Variants in STXBP5L observed in about 807,000 individuals in gnomAD.
The protein encoded by STXBP5L is syntaxin-binding protein 5-like.
A neutral mutation model predicts 144.5 loss-of-function variants in STXBP5L; 65 were observed. The observed-to-expected ratio is 0.45, with a 90% CI of 0.37 to 0.55. The LOEUF (loss-of-function observed/expected upper bound fraction) is 0.55. Ranked by LOEUF, STXBP5L falls within the 20% of genes least tolerant of loss-of-function variation. STXBP5L has a pLI of 0.00. For synonymous variants in STXBP5L, 505 were observed against 469.6 expected (o/e 1.08, Z -0.97); for missense variants, 1,298 against 1,405.5 (o/e 0.92, Z 1.22).
At chr3:121,301,639 T>C (rs2051912064) in intron 19 of STXBP5L, among the ~76,000 whole-genome samples, 1 of 152,220 alleles carries the variant, frequency 6.6e-6, no homozygotes, top group Non-Finnish European at 1.5e-5. Flanking sequence ...TCACAGGGAA[T>C]GCTTCCAGTT....
intron 7 of STXBP5L, 47 bp from the exon 8 acceptor site, chr3:121,152,430 A>G: frequency 7.4e-7 from 1 of 1,354,922 alleles, no homozygotes; most frequent in Non-Finnish European, 1.0e-6. Context: ...GAAGCAAGTT[A>G]AAATTAATGT....
At chr3:121,181,884 C>T (rs1043132799) in intron 9 of STXBP5L, among the ~76,000 whole-genome samples, 1 of 151,000 alleles carries the variant, frequency 6.6e-6, no homozygotes, top group Non-Finnish European at 1.5e-5. Flanking sequence ...AAATGTAAAC[C>T]AAAAGCAAAC....
At chr3:121,011,711 T>C (rs1576656930) in intron 3 of STXBP5L, among the ~76,000 whole-genome samples, 1 of 151,998 alleles carries the variant, frequency 6.6e-6, no homozygotes, top group East Asian at 1.9e-4. Flanking sequence ...AAATCCTCTT[T>C]TTCAGCCCCT....
At chr3:121,351,002 G>A (rs577335529) in intron 20 of STXBP5L, among the ~76,000 whole-genome samples, 1 of 152,268 alleles carries the variant, frequency 6.6e-6, no homozygotes. Context: ...TTGCTGGTGA[G>A]GAGCTACGTT....
At chr3:121,052,214 C>T (rs1948065540) in intron 5 of STXBP5L, among the ~76,000 whole-genome samples, 1 of 152,122 alleles carries the variant, frequency 6.6e-6, no homozygotes, top group South Asian at 2.1e-4. Context: ...AGAGGGAATC[C>T]TCCCTAACTC....
chr3:121,316,407 G>T (rs890917781), intron 19 of STXBP5L, among the ~76,000 whole-genome samples: 3 of 152,114 alleles, frequency 2.0e-5, no homozygotes, highest in African/African-American at 7.2e-5. Flanking sequence ...ACCAAATTTT[G>T]TATTTTAAAA....
intron 18 of STXBP5L, among the ~76,000 whole-genome samples, chr3:121,276,182 T>TTTTG (rs71133525): frequency 0.75 from 112,560 of 150,716 alleles, 42,188 homozygotes; most frequent in East Asian, 0.93. Context: ...TCTTTTAGTT[T>TTTTG]TTTGTTCTCA....
At chr3:121,339,962 C>T (rs1559992215) in intron 20 of STXBP5L, among the ~76,000 whole-genome samples, 1 of 151,982 alleles carries the variant, frequency 6.6e-6, no homozygotes, top group African/African-American at 2.4e-5. Context: ...ATCAGTATCA[C>T]ACAAATGATC....
Position 120,974,040 on chromosome 3 carries a change from C to T in STXBP5L, c.287+19003C>T, listed in dbSNP as rs998069725. Among the ~76,000 whole-genome samples, 5 of 152,164 alleles carry T rather than the reference C, an allele frequency of 3.3e-5. No homozygotes were observed. The East Asian group carries it at 9.7e-4, about 29-fold the overall frequency. On this transcript the variant is annotated intron_variant, in intron 3 of 26. Coordinates refer to ENST00000471454, the MANE Select transcript of STXBP5L (RefSeq NM_001308330.2). ...TCTTTATAGCAGCATGATTTATAGTCCTTTGGGTATATACCGAGTAATGGG... is the reference window on the plus strand; with the variant it reads ...TCTTTATAGCAGCATGATTTATAGTTCTTTGGGTATATACCGAGTAATGGG...
At chr3:121,280,666 G>A (rs2051027955) in intron 19 of STXBP5L, among the ~76,000 whole-genome samples, 1 of 151,828 alleles carries the variant, frequency 6.6e-6, no homozygotes, top group Non-Finnish European at 1.5e-5. Context: ...CACTGCCAAA[G>A]TTTTGCATAT....
chr3:121,044,165 CATGT>C (rs1001944771), intron 4 of STXBP5L, among the ~76,000 whole-genome samples: 7 of 151,970 alleles, frequency 4.6e-5, no homozygotes, highest in Non-Finnish European at 7.4e-5. Context: ...CATCTTTGAA[CATGT>C]ATGTATGTAA....
intron 2 of STXBP5L, among the ~76,000 whole-genome samples, chr3:120,910,621 A>G (rs558767564): frequency 5.3e-4 from 80 of 152,150 alleles, no homozygotes; most frequent in Non-Finnish European, 8.8e-4. Context: ...GTGTTTGGCT[A>G]CATAAGAAAT....
chr3:121,382,763 G>T (rs1049378258), intron 22 of STXBP5L, among the ~76,000 whole-genome samples: 2 of 152,006 alleles, frequency 1.3e-5, no homozygotes, highest in Admixed American at 6.6e-5. Context: ...TAATAAAGCA[G>T]ATCTCTCAAT....
intron 8 of STXBP5L, among the ~76,000 whole-genome samples, chr3:121,155,330 C>G (rs938828155): frequency 2.0e-5 from 3 of 151,828 alleles, no homozygotes; most frequent in Non-Finnish European, 4.4e-5. Flanking sequence ...TCTAACTTCT[C>G]ATCATGAACT....
intron 8 of STXBP5L, 46 bp downstream of exon 8, chr3:121,152,606 TG>T: frequency 1.4e-6 from 2 of 1,408,530 alleles, no homozygotes; most frequent in Non-Finnish European, 9.8e-7. Context: ...TGTGACGTTA[TG>T]CCTGTTTACT....
chr3:121,391,785 A>G (rs1464674721), intron 22 of STXBP5L, among the ~76,000 whole-genome samples: 1 of 152,168 alleles, frequency 6.6e-6, no homozygotes, highest in Non-Finnish European at 1.5e-5. Flanking sequence ...GCTTCGTCCC[A>G]GAGGGGCAGC....
At chr3:121,276,797 A>T (rs2050899631) in intron 18 of STXBP5L, among the ~76,000 whole-genome samples, 1 of 151,822 alleles carries the variant, frequency 6.6e-6, no homozygotes, top group Admixed American at 6.6e-5. Flanking sequence ...GTTTTCAGCA[A>T]TATGATTATG....
rs1241822319 is a variant in STXBP5L at position 121,205,930 on chromosome 3, T to C, written c.885T>C (p.Ser295=). Residue 295 remains serine (S), a synonymous_variant, in exon 10 of 27, where the codon AGT becomes AGC. Coordinates refer to ENST00000471454, the MANE Select transcript of STXBP5L (RefSeq NM_001308330.2). The stretch of plus-strand genomic sequence containing the variant: ...AATATTTTTTTTCTTTAGGAAAAAG[T>C]CAAAGAGAAGGAAGAAAATCTGAAT... The part of the protein sequence containing the change: ...PFQTTIPHGK[S]QREGRKSESC... 1 of 1,498,978 alleles carries C rather than the reference T, an allele frequency of 6.7e-7. No individual in the cohort carries two copies. 92.9% of individuals were successfully genotyped at this position (1,498,978 alleles called of 1,614,324 possible).
Position 121,421,639 on chromosome 3 carries a change from G to A in STXBP5L, c.*2542G>A, listed in dbSNP as rs922894650. ...AATTATTATACCCAAAATTACATGT[G>A]TGGTTCATATGCAATAAGATACAAT... On this transcript the variant is annotated 3_prime_UTR_variant, in exon 27 of 27. Coordinates refer to ENST00000471454, the MANE Select transcript of STXBP5L (RefSeq NM_001308330.2). The A allele has an allele frequency of 6.6e-6, 1 of 152,156 alleles. No homozygotes were observed. The highest frequency in any genetic ancestry group is 1.5e-5 in the Non-Finnish European group (1 of 68,006). The allele number at this position is 152,156 out of a possible 1,614,324, so 9.4% of individuals were successfully genotyped here.
Sources: gnomAD v4.1 joint callset for allele counts (sites outside exome capture counted in the v4.1 genomes callset) on GRCh38, gnomAD v4.1.1 for gene constraint, MANE v1.5 for transcripts, NCBI Gene and HGNC (gene_info 2026-07-23, HGNC 2026-07-21) for gene names.